The following PDGFD variants were observed in gnomAD, a reference collection of about 807,000 sequenced individuals.
The protein encoded by PDGFD is platelet derived growth factor D.
Under a neutral mutation model 44.7 loss-of-function variants are expected in PDGFD, and 30 were observed. The observed-to-expected ratio is 0.67, with a 90% confidence interval of 0.50 to 0.91. The LOEUF (loss-of-function observed/expected upper bound fraction) is 0.91. PDGFD is among the 40% of genes least tolerant of loss of function. PDGFD has a pLI of 0.00. For synonymous variants in PDGFD, 173 were observed against 168.4 expected, an observed-to-expected ratio of 1.03 and a Z score of -0.21; for missense variants, 445 against 457.8, an observed-to-expected ratio of 0.97 and a Z score of 0.25.
intron 1 of PDGFD, among the ~76,000 whole-genome samples, chr11:104,014,275 T>C (rs189767256): frequency 8.3e-4 from 126 of 152,266 alleles, no homozygotes; most frequent in African/African-American, 2.9e-3. Flanking sequence ...GGCAGGAGGA[T>C]AGCTTAGGCT....
chr11:103,932,993 G>A (rs17101755), intron 5 of PDGFD, among the ~76,000 whole-genome samples: 2,209 of 152,254 alleles, frequency 0.015, 61 homozygotes, highest in African/African-American at 0.051. Flanking sequence ...GAGATGACTG[G>A]CACCAAGATC....
At chr11:103,957,199 G>C (rs556690234) in intron 3 of PDGFD, among the ~76,000 whole-genome samples, 1 of 152,088 alleles carries the variant, frequency 6.6e-6, no homozygotes, top group Non-Finnish European at 1.5e-5. Flanking sequence ...TAGGTCTAAC[G>C]TTTAAGTCTT....
At chr11:103,911,489 A>C (rs1858027765) in intron 6 of PDGFD, among the ~76,000 whole-genome samples, 1 of 152,168 alleles carries the variant, frequency 6.6e-6, no homozygotes, top group Non-Finnish European at 1.5e-5. Flanking sequence ...AACATCAAAG[A>C]CCAAAGGTAA....
At chr11:103,953,748 T>C (rs1858794263) in intron 3 of PDGFD, among the ~76,000 whole-genome samples, 1 of 152,220 alleles carries the variant, frequency 6.6e-6, no homozygotes, top group Non-Finnish European at 1.5e-5. Context: ...ATTTATTGAA[T>C]GGTGTCACCC....
rs760519987 is a variant in PDGFD at position 104,037,890 on chromosome 11, G to A, written c.125-37635C>T. ...TGCTGGTCATCGGCACCACTGGCAC[G>A]CAGACTTATTTTCTTCCTGAGGGAG... On this transcript the variant is annotated intron_variant, in intron 1 of 6. Coordinates refer to ENST00000393158, the MANE Select transcript of PDGFD (RefSeq NM_025208.5). 1.6e-5 allele frequency: 26 copies of A among 1,614,028 alleles called. No individual in the cohort carries two copies. The African/African-American group carries it at 2.0e-4, about 12-fold the overall frequency.
chr11:104,030,133 G>A (rs1308154601), intron 1 of PDGFD, among the ~76,000 whole-genome samples: 18 of 152,172 alleles, frequency 1.2e-4, no homozygotes, highest in Admixed American at 1.0e-3. Context: ...TACATTTCGT[G>A]TTTATACTTA....
chr11:104,081,428 C>A lies in PDGFD; in HGVS notation c.125-81173G>T, dbSNP rs149448192. 4.6e-3 allele frequency among the ~76,000 whole-genome samples: 698 copies of A among 152,198 alleles called. 8 individuals carry two copies. The highest frequency in any genetic ancestry group is 0.016 in the African/African-American group (664 of 41,548). The stretch of plus-strand genomic sequence containing the variant: ...TTACAAACTGAAATATTTTCTGAAT[C>A]ATCTTTCAGTTTGTTTTTTAATGTC... On this transcript the variant is annotated intron_variant, in intron 1 of 6. Coordinates refer to ENST00000393158, the MANE Select transcript of PDGFD (RefSeq NM_025208.5).
At chr11:103,950,760 C>T (rs745550123) in intron 3 of PDGFD, among the ~76,000 whole-genome samples, 6 of 151,996 alleles carry the variant, frequency 3.9e-5, no homozygotes, top group Admixed American at 6.6e-5. Context: ...GGGAGAAAAA[C>T]GATGAAACAG....
At chr11:104,141,088 A>G (rs1317901214) in intron 1 of PDGFD, among the ~76,000 whole-genome samples, 1 of 152,142 alleles carries the variant, frequency 6.6e-6, no homozygotes, top group Non-Finnish European at 1.5e-5. Context: ...CTCACTGATG[A>G]CAGGTCTCCT....
chr11:103,970,018 C>T lies in PDGFD; in HGVS notation c.511-22294G>A, dbSNP rs556752629. Among the ~76,000 whole-genome samples, 3 of 152,148 alleles carry T rather than the reference C, an allele frequency of 2.0e-5. No homozygotes were observed. In the South Asian group the frequency reaches 6.2e-4, roughly 32 times the overall value. ...CAGAGATGTCTGTGCTAATTATACA[C>T]ACTATACATTTAAGAGAGGGGTTAA... On this transcript the variant is annotated intron_variant, in intron 3 of 6. Coordinates refer to ENST00000393158, the MANE Select transcript of PDGFD (RefSeq NM_025208.5).
chr11:104,038,424 A>C (rs1860290321), intron 1 of PDGFD: 1 of 184,310 alleles, frequency 5.4e-6, no homozygotes, highest in Non-Finnish European at 1.3e-5. Flanking sequence ...TCACATCAGC[A>C]CTAATAATTC....
At position 104,122,600 on chromosome 11, in the gene PDGFD, T is replaced by C. The variant is rs559702709; in HGVS notation, c.124+41204A>G. ...ATTAAACTTCTGCTCTTAACCTCAC[T>C]CTTTATGTGTCCATGTCCTTAACTT... On this transcript the variant is annotated intron_variant, in intron 1 of 6. Coordinates refer to ENST00000393158, the MANE Select transcript of PDGFD (RefSeq NM_025208.5). Among the ~76,000 whole-genome samples the C allele has an allele frequency of 9.1e-4, 138 of 152,088 alleles. 1 individual carries two copies. The highest frequency in any genetic ancestry group is 1.6e-3 in the Non-Finnish European group (112 of 67,964).
chr11:103,998,484 T>C (rs1859570957), intron 2 of PDGFD, among the ~76,000 whole-genome samples: 1 of 152,128 alleles, frequency 6.6e-6, no homozygotes, highest in Non-Finnish European at 1.5e-5. Context: ...CATCCAGGTG[T>C]TTCGAAGGTT....
intron 1 of PDGFD, among the ~76,000 whole-genome samples, chr11:104,149,696 C>A (rs1862214930): frequency 6.6e-6 from 1 of 152,070 alleles, no homozygotes. Context: ...TTCATTTATT[C>A]ATCCCAATTT....
chr11:104,088,853 C>A (rs1345764785), intron 1 of PDGFD, among the ~76,000 whole-genome samples: 2 of 152,028 alleles, frequency 1.3e-5, no homozygotes, highest in Non-Finnish European at 2.9e-5. Context: ...TCCCTCTATA[C>A]CCAGGGAGGT....
intron 1 of PDGFD, among the ~76,000 whole-genome samples, chr11:104,018,334 C>G (rs1195446916): frequency 6.6e-6 from 1 of 152,122 alleles, no homozygotes; most frequent in Non-Finnish European, 1.5e-5. Context: ...GTAAACAGAA[C>G]TGAAGAAGTT....
At chr11:104,085,208 G>A (rs1322424820) in intron 1 of PDGFD, among the ~76,000 whole-genome samples, 1 of 151,932 alleles carries the variant, frequency 6.6e-6, no homozygotes, top group Admixed American at 6.6e-5. Context: ...ACCCCCTTGT[G>A]TTATATTTTA....
At chr11:103,970,645 C>T (rs749267862) in intron 3 of PDGFD, among the ~76,000 whole-genome samples, 2 of 152,024 alleles carry the variant, frequency 1.3e-5, no homozygotes, top group South Asian at 4.1e-4. Context: ...ATATATTGTT[C>T]ATTGACTAAG....
At chr11:104,141,305 A>G (rs1298522249) in intron 1 of PDGFD, among the ~76,000 whole-genome samples, 1 of 152,222 alleles carries the variant, frequency 6.6e-6, no homozygotes, top group Non-Finnish European at 1.5e-5. Context: ...ACTTGTGAAC[A>G]TATCTTAGAT....
Sources: allele counts gnomAD v4.1 joint callset (sites outside exome capture counted in the v4.1 genomes callset), GRCh38; gene constraint gnomAD v4.1.1; transcripts MANE v1.5; gene names NCBI Gene and HGNC (gene_info 2026-07-23, HGNC 2026-07-21).